The following FRMD4A variants were observed in gnomAD, a reference collection of about 807,000 sequenced individuals.
The protein encoded by FRMD4A is FERM domain-containing protein 4A.
In FRMD4A, 29 loss-of-function variants were observed where a neutral mutation model predicts 129.1. That is an observed-to-expected ratio of 0.22 (90% CI 0.17 to 0.31). The LOEUF (loss-of-function observed/expected upper bound fraction) is 0.31. Ranked by LOEUF, FRMD4A falls within the 10% of genes least tolerant of loss-of-function variation. FRMD4A has a pLI of 1.00. For synonymous variants in FRMD4A, 634 were observed against 571.6 expected (o/e 1.11, Z -1.56); for missense variants, 1,272 against 1,375.8 (o/e 0.92, Z 1.19).
At chr10:14,106,754 A>T (rs894213156) in intron 2 of FRMD4A, among the ~76,000 whole-genome samples, 2 of 152,194 alleles carry the variant, frequency 1.3e-5, no homozygotes, top group African/African-American at 4.8e-5. Flanking sequence ...GTCTTTTGGG[A>T]TGTATAATGA....
At chr10:13,725,732 C>G (rs7912523) in intron 12 of FRMD4A, among the ~76,000 whole-genome samples, 99,336 of 151,986 alleles carry the variant, frequency 0.65, 32,511 homozygotes, top group South Asian at 0.69. Flanking sequence ...CAGTGACCAA[C>G]AAAAAAATAA....
chr10:14,136,441 C>T (rs1007165741), intron 2 of FRMD4A, among the ~76,000 whole-genome samples: 1 of 152,120 alleles, frequency 6.6e-6, no homozygotes, highest in Non-Finnish European at 1.5e-5. Context: ...TATCCCTCTG[C>T]TCACCTGAGA....
At chr10:14,222,154 A>C (rs1470383504) in intron 2 of FRMD4A, among the ~76,000 whole-genome samples, 1 of 152,214 alleles carries the variant, frequency 6.6e-6, no homozygotes, top group African/African-American at 2.4e-5. Flanking sequence ...AATGAGACTC[A>C]ATCTGGCATG....
At chr10:13,844,884 T>C (rs567151034) in intron 3 of FRMD4A, among the ~76,000 whole-genome samples, 2 of 152,286 alleles carry the variant, frequency 1.3e-5, no homozygotes, top group South Asian at 4.1e-4. Context: ...ATACAGCCCC[T>C]ATTGGGAAGC....
chr10:14,140,902 C>T (rs1366187088), intron 2 of FRMD4A, among the ~76,000 whole-genome samples: 1 of 152,112 alleles, frequency 6.6e-6, no homozygotes, highest in Admixed American at 6.6e-5. Context: ...CTCAGGGAGA[C>T]TGAAGTCTGG....
chr10:14,267,349 C>T (rs1299193983), intron 2 of FRMD4A, among the ~76,000 whole-genome samples: 1 of 152,134 alleles, frequency 6.6e-6, no homozygotes, highest in Admixed American at 6.5e-5. Flanking sequence ...CTTCATATAT[C>T]TTCTCATTTA....
intron 3 of FRMD4A, among the ~76,000 whole-genome samples, chr10:13,812,334 C>G (rs1385523000): frequency 1.3e-5 from 2 of 152,142 alleles, no homozygotes; most frequent in Non-Finnish European, 2.9e-5. Context: ...GGTGGGGCCC[C>G]CAAGATGGGA....
intron 2 of FRMD4A, among the ~76,000 whole-genome samples, chr10:14,313,079 G>A (rs1236234580): frequency 1.3e-5 from 2 of 152,016 alleles, no homozygotes; most frequent in African/African-American, 4.8e-5. Context: ...AAGTCCAGGA[G>A]TGGTGGCTCA....
intron 2 of FRMD4A, among the ~76,000 whole-genome samples, chr10:14,157,748 AT>A (rs1840674463): frequency 3.3e-5 from 5 of 152,202 alleles, no homozygotes; most frequent in Non-Finnish European, 7.3e-5. Context: ...ACAAATGAAA[AT>A]TTGACTCTGC....
chr10:13,910,877 G>T (rs2094933265), intron 2 of FRMD4A, among the ~76,000 whole-genome samples: 1 of 118,050 alleles, frequency 8.5e-6, no homozygotes, highest in Non-Finnish European at 1.6e-5. Flanking sequence ...TTAAGCCTCT[G>T]GGAGTTTCAT....
chr10:13,802,973 C>T (rs1021046899), intron 4 of FRMD4A, among the ~76,000 whole-genome samples: 3 of 152,032 alleles, frequency 2.0e-5, no homozygotes, highest in Non-Finnish European at 4.4e-5. Context: ...CATGGTGAAA[C>T]CCCGTCTCTA....
chr10:13,887,470 G>A (rs1489099109), intron 2 of FRMD4A, among the ~76,000 whole-genome samples: 2 of 152,160 alleles, frequency 1.3e-5, no homozygotes, highest in South Asian at 2.1e-4. Flanking sequence ...CACATGGTGA[G>A]GAGATCGAGA....
At chr10:13,690,231 G>A (rs953150216) in intron 15 of FRMD4A, among the ~76,000 whole-genome samples, 3 of 152,194 alleles carry the variant, frequency 2.0e-5, no homozygotes, top group African/African-American at 7.2e-5. Flanking sequence ...CTAGGCAAGA[G>A]GGCAGAAAGG....
At chr10:13,866,299 C>A in intron 2 of FRMD4A, 1 of 980,894 alleles carries the variant, frequency 1.0e-6, no homozygotes, top group Non-Finnish European at 1.2e-6. Flanking sequence ...GTCCCTTAAA[C>A]CACAGGACAC....
rs180673523 is a variant in FRMD4A, at chr10:14,123,747, G to C, written c.45+206311C>G. 9.8e-5 allele frequency among the ~76,000 whole-genome samples: 15 copies of C among 152,298 alleles called. No individual in the cohort carries two copies. In the East Asian group the frequency reaches 2.7e-3, roughly 27 times the overall value. ...TGGGAGAGGCCACAGAACTGTTCTG[G>C]AGCTGAAGTTCAAGTTCAAATATCC... On this transcript the variant is annotated intron_variant, in intron 2 of 24. Transcript: ENST00000357447.
At chr10:13,862,676 T>A (rs2094310646) in intron 2 of FRMD4A, among the ~76,000 whole-genome samples, 1 of 152,232 alleles carries the variant, frequency 6.6e-6, no homozygotes, top group Admixed American at 6.5e-5. Context: ...TGAATCATCA[T>A]GTTTTTGAAG....
chr10:14,112,611 T>C (rs1410364078), intron 2 of FRMD4A, among the ~76,000 whole-genome samples: 2 of 152,280 alleles, frequency 1.3e-5, no homozygotes, highest in East Asian at 3.9e-4. Flanking sequence ...CTGTAACGTC[T>C]GCCTCCCAGG....
chr10:14,120,820 T>C (rs548403314), intron 2 of FRMD4A, among the ~76,000 whole-genome samples: 2 of 152,336 alleles, frequency 1.3e-5, no homozygotes, highest in South Asian at 4.1e-4. Context: ...TACTCTTGCC[T>C]TAACCAGCAC....
intron 2 of FRMD4A, among the ~76,000 whole-genome samples, chr10:14,092,805 G>A (rs1403829269): frequency 6.6e-6 from 1 of 152,184 alleles, no homozygotes; most frequent in Non-Finnish European, 1.5e-5. Context: ...ATAAAGGTGG[G>A]ACTTTAGGCC....
Sources: gnomAD v4.1 joint callset for allele counts (sites outside exome capture counted in the v4.1 genomes callset) on GRCh38, gnomAD v4.1.1 for gene constraint, MANE v1.5 for transcripts, NCBI Gene and HGNC (gene_info 2026-07-23, HGNC 2026-07-21) for gene names.